ARFGEF2: variants seen among roughly 807,000 people sequenced by gnomAD.
ARFGEF2 encodes the protein ARF guanine nucleotide exchange factor 2, also known as brefeldin A-inhibited guanine nucleotide-exchange protein 2.
A neutral mutation model predicts 219.9 loss-of-function variants in ARFGEF2; 74 were observed. The observed-to-expected ratio is 0.34, with a 90% CI of 0.28 to 0.41. The LOEUF is 0.41. Among genes scored for constraint, ARFGEF2 ranks in the 10% least tolerant of loss-of-function variants. The pLI, the probability that ARFGEF2 is intolerant of heterozygous loss-of-function variation, is 1.00. For missense variants in ARFGEF2, 1,743 were observed against 2,218.3 expected (o/e 0.79, Z 4.30); for synonymous variants, 733 against 799.2 (o/e 0.92, Z 1.40).
rs1057511883 is a variant in ARFGEF2 at position 48,975,800 on chromosome 20, C to CAAAAAAAA, written c.1775-211_1775-204dup. The stretch of plus-strand genomic sequence containing the variant: ...AGGGTGACAGTGCGAGACTCCATCT[C>CAAAAAAAA]AAAAAAAAAAAAGAATTAGCTCATC... On this transcript the variant is annotated intron_variant, in intron 13 of 38. Transcript: ENST00000371917. Among the ~76,000 whole-genome samples the CAAAAAAAA allele has an allele frequency of 7.0e-4, 78 of 112,106 alleles. 4 individuals are homozygous for CAAAAAAAA. Among genetic ancestry groups the CAAAAAAAA allele is most frequent in the Admixed American group, 6.8e-4 (7 of 10,316 alleles). The allele number at this position is 112,106 out of a possible 152,430, so 73.5% of individuals were successfully genotyped here.
chr20:49,017,223 A>G (rs2091535925), intron 31 of ARFGEF2, 26 bp from the exon 32 acceptor site: 1 of 1,612,752 alleles, frequency 6.2e-7, no homozygotes, highest in African/African-American at 1.3e-5. Flanking sequence ...TAGAAGTTTA[A>G]TGATAGATAC....
intron 8 of ARFGEF2, among the ~76,000 whole-genome samples, chr20:48,966,713 C>A (rs1343994257): frequency 6.6e-6 from 1 of 152,062 alleles, no homozygotes; most frequent in Non-Finnish European, 1.5e-5. Context: ...CATTATTGCC[C>A]CTTCCTCCAA....
chr20:48,986,744 G>T (rs1045975592), intron 16 of ARFGEF2, among the ~76,000 whole-genome samples: 5 of 152,192 alleles, frequency 3.3e-5, no homozygotes, highest in African/African-American at 4.8e-5. Flanking sequence ...CTCTTGCCCA[G>T]GTTGAAGTAC....
chr20:49,030,366 C>T (rs1459260234), intron 37 of ARFGEF2, among the ~76,000 whole-genome samples: 3 of 151,072 alleles, frequency 2.0e-5, no homozygotes, highest in Admixed American at 1.3e-4. Context: ...TGCTATGTTG[C>T]CTAGGCTGGT....
chr20:48,972,697 A>C (rs2091236006), intron 11 of ARFGEF2, among the ~76,000 whole-genome samples: 1 of 152,174 alleles, frequency 6.6e-6, no homozygotes, highest in Non-Finnish European at 1.5e-5. Flanking sequence ...GTTACCTACA[A>C]GCTGAGTACT....
intron 7 of ARFGEF2, 83 bp downstream of exon 7, chr20:48,963,981 T>A: frequency 7.9e-7 from 1 of 1,271,454 alleles, no homozygotes; most frequent in Non-Finnish European, 1.1e-6. Flanking sequence ...TGGTGGAGTT[T>A]CCTCTTCCCT....
intron 25 of ARFGEF2, among the ~76,000 whole-genome samples, chr20:49,002,192 C>A (rs1014634401): frequency 6.6e-6 from 1 of 152,156 alleles, no homozygotes; most frequent in African/African-American, 2.4e-5. Context: ...GAGCAGAGAT[C>A]GTGCCATTGC....
At chr20:49,003,790 A>G (rs2091439001) in intron 25 of ARFGEF2, among the ~76,000 whole-genome samples, 1 of 152,148 alleles carries the variant, frequency 6.6e-6, no homozygotes, top group African/African-American at 2.4e-5. Flanking sequence ...GCACCAGCCA[A>G]ATATTTACCC....
At chr20:48,960,102 A>C (rs1349757064) in intron 6 of ARFGEF2, among the ~76,000 whole-genome samples, 1 of 152,212 alleles carries the variant, frequency 6.6e-6, no homozygotes, top group East Asian at 1.9e-4. Context: ...TTTGCGAAAG[A>C]ATATTATGGG....
intron 26 of ARFGEF2, 41 bp downstream of exon 26, chr20:49,005,262 G>GAAGC: frequency 6.2e-7 from 1 of 1,612,564 alleles, no homozygotes. Context: ...CAAATTCCCC[G>GAAGC]TTGGGGCTCC....
intron 6 of ARFGEF2, among the ~76,000 whole-genome samples, chr20:48,957,421 T>TTTCTCCTATGTGAGCCTA (rs2091112351): frequency 6.6e-6 from 1 of 152,152 alleles, no homozygotes; most frequent in African/African-American, 2.4e-5. Context: ...GGCAGCAAGG[T>TTTCTCCTATGTGAGCCTA]TTCTCCTATG....
Position 48,978,963 on chromosome 20 carries a change from A to C in ARFGEF2, c.1958+2764A>C, listed in dbSNP as rs542601954. On this transcript the variant is annotated intron_variant, in intron 14 of 38. Transcript: ENST00000371917. ...CTCTTTTCCTGATTGAATACGCTTT[A>C]TTTCTTTCTCTTGCCTGATTGCCCT... 7.9e-5 allele frequency among the ~76,000 whole-genome samples: 12 copies of C among 152,140 alleles called. No individual in the cohort carries two copies. In the Middle Eastern group the frequency reaches 0.01, roughly 129 times the overall value.
At chr20:49,024,028 A>G (rs1348542771) in intron 35 of ARFGEF2, among the ~76,000 whole-genome samples, 1 of 152,094 alleles carries the variant, frequency 6.6e-6, no homozygotes, top group African/African-American at 2.4e-5. Flanking sequence ...CAGTGGTGCA[A>G]TCACAGAATC....
At chr20:48,974,201 C>T (rs1439529292) in intron 12 of ARFGEF2, among the ~76,000 whole-genome samples, 1 of 140,244 alleles carries the variant, frequency 7.1e-6, no homozygotes, top group African/African-American at 2.7e-5. Context: ...TCTCAGCTCA[C>T]TGCAACCTCC....
At position 49,033,406 on chromosome 20, in the gene ARFGEF2, C is replaced by T. The variant is rs1313562643; in HGVS notation, c.*207C>T. 13 of 579,512 alleles carry T rather than the reference C, an allele frequency of 2.2e-5. No homozygotes were observed. The highest frequency in any genetic ancestry group is 2.1e-5 in the Non-Finnish European group (7 of 326,318). 35.9% of individuals were successfully genotyped at this position (579,512 alleles called of 1,614,324 possible). A position where few individuals can be genotyped will look rare whatever the true frequency, so the allele number is the denominator to read the frequency against. On this transcript the variant is annotated 3_prime_UTR_variant, in exon 39 of 39. Transcript: ENST00000371917. ...ATTAAACTGTTGCATACCCAGTTAG[C>T]ACAGTAGGTGGGGAGTCTGCTTCAT...
intron 16 of ARFGEF2, among the ~76,000 whole-genome samples, chr20:48,987,739 T>A (rs2123458063): frequency 6.6e-6 from 1 of 152,144 alleles, no homozygotes; most frequent in African/African-American, 2.4e-5. Context: ...AGAGTCTTTT[T>A]AAAAAAAATT....
At chr20:49,014,100 C>T in intron 30 of ARFGEF2, 140 bp downstream of exon 30, 4 of 1,090,748 alleles carry the variant, frequency 3.7e-6, no homozygotes, top group Admixed American at 1.8e-5. Context: ...AATGGAAACA[C>T]CTTTCTGATA....
chr20:48,926,571 A>G (rs778594794), intron 1 of ARFGEF2, among the ~76,000 whole-genome samples: 2 of 151,592 alleles, frequency 1.3e-5, no homozygotes, highest in Non-Finnish European at 2.9e-5. Context: ...TGATCCTCCC[A>G]TTTCAGCCTC....
At chr20:48,935,939 G>GC (rs1395453678) in intron 1 of ARFGEF2, among the ~76,000 whole-genome samples, 1 of 130,668 alleles carries the variant, frequency 7.7e-6, no homozygotes. Flanking sequence ...CGGCTGGCCG[G>GC]GGGGGGGGGC....
Sources: gnomAD v4.1 joint callset for allele counts (sites outside exome capture counted in the v4.1 genomes callset) on GRCh38, gnomAD v4.1.1 for gene constraint, MANE v1.5 for transcripts, NCBI Gene and HGNC (gene_info 2026-07-23, HGNC 2026-07-21) for gene names.